Variants in GSTK1 observed in about 807,000 individuals in gnomAD.
GSTK1 encodes the protein glutathione S-transferase kappa 1.
Under a neutral mutation model 30.9 loss-of-function variants are expected in GSTK1, and 25 were observed. The observed-to-expected ratio is 0.81, with a 90% CI of 0.59 to 1.13. The LOEUF is 1.13. Ranked by LOEUF, GSTK1 falls within the 50% of genes most tolerant of loss-of-function variation. The pLI is 0.00. For missense variants in GSTK1, 292 were observed against 292.4 expected (o/e 1.00, Z 0.01); for synonymous variants, 108 against 112.5 (o/e 0.96, Z 0.25).
intron 5 of GSTK1, among the ~76,000 whole-genome samples, chr7:143,265,701 GAT>G (rs774505140): frequency 6.6e-6 from 1 of 152,120 alleles, no homozygotes; most frequent in African/African-American, 2.4e-5. Flanking sequence ...GACGAAAAGA[GAT>G]AACTAATGCC....
rs891291032 is a variant in GSTK1, at chr7:143,268,018, A to C, written c.538-73A>C. The C allele has an allele frequency of 8.7e-7, 1 of 1,152,760 alleles. No homozygotes were observed. The highest frequency in any genetic ancestry group is 1.3e-6 in the Non-Finnish European group (1 of 787,668). The allele number at this position is 1,152,760 out of a possible 1,614,324, so 71.4% of individuals were successfully genotyped here. A position where few individuals can be genotyped will look rare whatever the true frequency, so the allele number is the denominator to read the frequency against. On this transcript the variant is annotated intron_variant, in intron 6 of 7. Transcript: ENST00000358406. The surrounding 1 kb of genome is among the most constrained non-coding windows in gnomAD (Gnocchi z 4.1). ...CTTCTGTGAACTCAGAAAAGTACTGACTCAAAGGTTTCAACCCCTGCCTAA... is the reference window on the plus strand; with the variant it reads ...CTTCTGTGAACTCAGAAAAGTACTGCCTCAAAGGTTTCAACCCCTGCCTAA...
intron 5 of GSTK1, 108 bp downstream of exon 5, chr7:143,265,404 AT>A: frequency 1.0e-6 from 1 of 982,098 alleles, no homozygotes; most frequent in African/African-American, 1.6e-5. Context: ...AAAGGTTATA[AT>A]TACTGGGGAA....
At chr7:143,265,894 A>G (rs1205751456) in intron 5 of GSTK1, among the ~76,000 whole-genome samples, 1 of 152,156 alleles carries the variant, frequency 6.6e-6, no homozygotes, top group African/African-American at 2.4e-5. Context: ...TTAATATATA[A>G]AGTGGCAAAT....
Position 143,267,741 on chromosome 7 carries a change from G to A in GSTK1, c.537+8G>A, listed in dbSNP as rs1389611443. On this transcript the variant is annotated splice_region_variant and intron_variant, in intron 6 of 7. Coordinates refer to ENST00000358406, the MANE Select transcript of GSTK1 (RefSeq NM_015917.3). ...GCAGCCTGCAGATACGGAGTGAGCAGCTCTTTATGTGTGTTCCCAGCACCC... is the reference window on the plus strand; with the variant it reads ...GCAGCCTGCAGATACGGAGTGAGCAACTCTTTATGTGTGTTCCCAGCACCC... The A allele has an allele frequency of 4.5e-6, 7 of 1,572,700 alleles. No homozygotes were observed. The East Asian group carries it at 1.3e-4, about 30-fold the overall frequency.
rs1800800426 is a variant in GSTK1, at chr7:143,264,166, T to G, written c.153T>G (p.Ser51Arg). 9 of 1,613,032 alleles carry G rather than the reference T, an allele frequency of 5.6e-6. No individual in the cohort carries two copies. The highest frequency in any genetic ancestry group is 7.6e-6 in the Non-Finnish European group (9 of 1,179,286). Residue 51 changes from serine to arginine, a missense_variant and splice_region_variant, in exon 2 of 8, where the codon AGT becomes AGG. Coordinates refer to ENST00000358406, the MANE Select transcript of GSTK1 (RefSeq NM_015917.3). The stretch of plus-strand genomic sequence containing the variant: ...TCATAACAGGGATCATGAAAGACAG[T>G]GGTAGGAAGGGAGGGTCGGGGCAGG... ...PSLITGIMKDSGNKPPGLLPR... is the reference protein window; with the variant it reads ...PSLITGIMKDRGNKPPGLLPR...
chr7:143,263,775 C>G (rs1037048538), intron 1 of GSTK1, 190 bp downstream of exon 1: 1 of 617,612 alleles, frequency 1.6e-6, no homozygotes, highest in Non-Finnish European at 2.8e-6. Flanking sequence ...TGGCTCCAAC[C>G]CGAGCCTTTA....
chr7:143,266,653 CTTTTTTTTTT>C (rs35527374), intron 5 of GSTK1, among the ~76,000 whole-genome samples: 1 of 63,322 alleles, frequency 1.6e-5, no homozygotes, highest in South Asian at 5.8e-4. Context: ...TTCTTTCTTT[CTTTTTTTTTT>C]TTTTTTTTTT....
intron 2 of GSTK1, 169 bp downstream of exon 2, chr7:143,264,336 C>T (rs948574517): frequency 2.2e-5 from 17 of 765,584 alleles, no homozygotes; most frequent in Non-Finnish European, 3.7e-5. Context: ...CACAGCTACT[C>T]GGGAGGCTGA....
chr7:143,265,854 CA>C (rs941445940), intron 5 of GSTK1, among the ~76,000 whole-genome samples: 2 of 148,608 alleles, frequency 1.3e-5, no homozygotes, highest in Non-Finnish European at 3.0e-5. Context: ...CTCTGGTTTA[CA>C]AAAAAAAATA....
Position 143,268,116 on chromosome 7 carries a change from C to A in GSTK1, c.563C>A (p.Ala188Asp). The change falls in exon 7 of 8, where the codon GCC (alanine) becomes GAC (aspartate). Residue 188 changes from alanine (A) to aspartate (D), a missense_variant. Ala to Asp is a moderately radical substitution (Grantham distance 126). Transcript: ENST00000358406. This position sits in a 1 kb window ranked among gnomAD's most constrained non-coding sequence, Gnocchi z 4.1. ...YGAFGLPITV[A>D]HVDGQTHMLF... ...GCCTTTGGGCTGCCCATCACCGTGG[C>A]CCATGTGGATGGCCAAACCCACATG... 6.2e-7 allele frequency: 1 copy of A among 1,613,944 alleles called. No individual in the cohort carries two copies. The highest frequency in any genetic ancestry group is 1.1e-5 in the South Asian group (1 of 91,068).
rs186357935 is a variant in GSTK1, at chr7:143,268,583, C to T, written c.632-205C>T. ...GAGCAAAAAAATATTCTTGGCACTT[C>T]CAGTAACAAAGCGTTATGCAGTCAG... On this transcript the variant is annotated intron_variant, in intron 7 of 7. Coordinates refer to ENST00000358406, the MANE Select transcript of GSTK1 (RefSeq NM_015917.3). This position sits in a 1 kb window ranked among gnomAD's most constrained non-coding sequence, Gnocchi z 4.1. Among the ~76,000 whole-genome samples the T allele has an allele frequency of 4.3e-4, 66 of 152,296 alleles. No homozygotes were observed. The highest frequency in any genetic ancestry group is 1.5e-3 in the African/African-American group (64 of 41,558).
At chr7:143,267,788 G>C in intron 6 of GSTK1, 55 bp downstream of exon 6, 1 of 1,264,222 alleles carries the variant, frequency 7.9e-7, no homozygotes, top group Non-Finnish European at 1.2e-6. Flanking sequence ...GGAGACTTGA[G>C]AATCTCTAAG....
In GSTK1 at chr7:143,265,305, C is replaced by A; in HGVS notation, c.420+9C>A. On this transcript the variant is annotated intron_variant, in intron 5 of 7. Coordinates refer to ENST00000358406, the MANE Select transcript of GSTK1 (RefSeq NM_015917.3). ...CGCAGAGCATCCTGGCGGTGAGTGTCCTGGCTCCACCCCAACTGCACTCAT... is the reference window on the plus strand; with the variant it reads ...CGCAGAGCATCCTGGCGGTGAGTGTACTGGCTCCACCCCAACTGCACTCAT... The A allele has an allele frequency of 6.3e-6, 10 of 1,591,972 alleles. No homozygotes were observed. The highest frequency in any genetic ancestry group is 8.6e-6 in the Non-Finnish European group (10 of 1,167,978).
intron 5 of GSTK1, among the ~76,000 whole-genome samples, 189 bp from the exon 6 acceptor site, chr7:143,267,428 T>C (rs954870861): frequency 7.9e-5 from 12 of 152,184 alleles, no homozygotes; most frequent in African/African-American, 2.7e-4. Flanking sequence ...TTTTCTCCTT[T>C]TCCACCCATC....
chr7:143,265,280 C>T lies in GSTK1; in HGVS notation c.404C>T (p.Pro135Leu), dbSNP rs1266251133. ...TCCCAGAATGAAGACATCACCGAGC[C>T]GCAGAGCATCCTGGCGGTGAGTGTC... ...VWSRNEDITE[P>L]QSILAAAEKA... Residue 135 changes from proline (P) to leucine (L), a missense_variant, in exon 5 of 8, where the codon CCG (proline) becomes CTG (leucine). Transcript: ENST00000358406. The T allele has an allele frequency of 2.5e-6, 4 of 1,603,924 alleles. No homozygotes were observed. Among genetic ancestry groups the T allele is most frequent in the South Asian group, 1.1e-5 (1 of 89,054 alleles).
rs1397720908 is a variant in GSTK1 at position 143,265,272 on chromosome 7, C to T, written c.396C>T (p.Ile132=). 2.5e-6 allele frequency: 4 copies of T among 1,603,018 alleles called. No individual in the cohort carries two copies. In the African/African-American group the frequency reaches 4.0e-5, roughly 16 times the overall value. ...WMRVWSRNED[I]TEPQSILAAA... is the part of the protein sequence containing the mutation. Reference sequence around the variant, plus strand: ...TCTCTTCTTCCCAGAATGAAGACATCACCGAGCCGCAGAGCATCCTGGCGG... The same window carrying T: ...TCTCTTCTTCCCAGAATGAAGACATTACCGAGCCGCAGAGCATCCTGGCGG... Residue 132 remains isoleucine (I), a synonymous_variant, in exon 5 of 8, where the codon ATC becomes ATT. Coordinates refer to ENST00000358406, the MANE Select transcript of GSTK1 (RefSeq NM_015917.3).
At chr7:143,267,906 A>G (rs1800928491) in intron 6 of GSTK1, among the ~76,000 whole-genome samples, 173 bp downstream of exon 6, 1 of 152,158 alleles carries the variant, frequency 6.6e-6, no homozygotes, top group Non-Finnish European at 1.5e-5. Context: ...CAGGGAAAGG[A>G]AGGGAAGGAG....
chr7:143,266,897 G>T (rs376469308), intron 5 of GSTK1, among the ~76,000 whole-genome samples: 1 of 151,980 alleles, frequency 6.6e-6, no homozygotes, highest in Non-Finnish European at 1.5e-5. Context: ...CTGGGCTGAA[G>T]CAATCTCCTG....
Position 143,268,867 on chromosome 7 carries a change from T to TA in GSTK1, c.*37dup, listed in dbSNP as rs763335529. 1.4e-5 allele frequency: 23 copies of TA among 1,607,302 alleles called. 1 individual carries two copies. The South Asian group carries it at 2.0e-4, about 14-fold the overall frequency. On this transcript the variant is annotated 3_prime_UTR_variant, in exon 8 of 8. Coordinates refer to ENST00000358406, the MANE Select transcript of GSTK1 (RefSeq NM_015917.3). This position sits in a 1 kb window ranked among gnomAD's most constrained non-coding sequence, Gnocchi z 4.1. ...GCCCGGAGGAAGCAAACTCTTCGTATAAAAAAAGCAGGCCATCTGCTTAAC... is the reference window on the plus strand; with the variant it reads ...GCCCGGAGGAAGCAAACTCTTCGTATAAAAAAAAGCAGGCCATCTGCTTAAC...
Sources: allele counts gnomAD v4.1 joint callset (sites outside exome capture counted in the v4.1 genomes callset), GRCh38; gene constraint gnomAD v4.1.1; non-coding constraint Gnocchi (gnomAD v3.1); transcripts MANE v1.5; gene names NCBI Gene and HGNC (gene_info 2026-07-23, HGNC 2026-07-21).